Variants in DYNLL1 observed in about 807,000 individuals in gnomAD.
DYNLL1 encodes dynein light chain LC8-type 1.
In DYNLL1, 3 loss-of-function variants were observed where a neutral mutation model predicts 10.1. The observed-to-expected ratio is 0.30, with a 90% CI of 0.14 to 0.77. DYNLL1 has a LOEUF of 0.77. Among genes scored for constraint, DYNLL1 ranks in the 30% least tolerant of loss-of-function variants. The pLI is 0.66. For missense variants in DYNLL1, 47 were observed against 111.7 expected (o/e 0.42, Z 2.61); for synonymous variants, 46 against 41.2 (o/e 1.12, Z -0.45).
chr12:120,490,806 C>CT (rs1412812335), intron 1 of DYNLL1: 2 of 152,180 alleles, frequency 1.3e-5, no homozygotes, highest in African/African-American at 4.8e-5. Context: ...ACAAAAAAAA[C>CT]TTTCTGGCCC....
At chr12:120,478,096 G>GTT (rs112506685) in intron 1 of DYNLL1, among the ~76,000 whole-genome samples, 4 of 133,938 alleles carry the variant, frequency 3.0e-5, no homozygotes, top group African/African-American at 8.1e-5. Context: ...CCGGCCAAAA[G>GTT]TTTTTTTTTT....
chr12:120,485,813 C>G (rs1448256011), intron 1 of DYNLL1, among the ~76,000 whole-genome samples: 1 of 139,488 alleles, frequency 7.2e-6, no homozygotes, highest in Non-Finnish European at 1.5e-5. Context: ...TACACCCTAG[C>G]CTATTTGACA....
At chr12:120,497,592 GT>G (rs1868493688) in intron 2 of DYNLL1, 1 of 153,106 alleles carries the variant, frequency 6.5e-6, no homozygotes, top group Non-Finnish European at 1.5e-5. Flanking sequence ...GCTGTTTGAA[GT>G]TTTGTCCTAT....
intron 1 of DYNLL1, among the ~76,000 whole-genome samples, chr12:120,489,187 T>C (rs73225205): frequency 0.032 from 4,810 of 152,328 alleles, 118 homozygotes; most frequent in Non-Finnish European, 0.048. Flanking sequence ...TCCAGTCCCA[T>C]TGCTTTAAAT....
At chr12:120,483,049 A>G (rs1878916558) in intron 1 of DYNLL1, among the ~76,000 whole-genome samples, 1 of 151,200 alleles carries the variant, frequency 6.6e-6, no homozygotes, top group Admixed American at 6.6e-5. Flanking sequence ...TCTCTTAAAG[A>G]AAAAAAAAGG....
intron 1 of DYNLL1, among the ~76,000 whole-genome samples, chr12:120,470,816 G>C (rs575997667): frequency 6.6e-6 from 1 of 152,216 alleles, no homozygotes; most frequent in African/African-American, 2.4e-5. Flanking sequence ...AGGCCAAGGC[G>C]GGAGGATCAC....
intron 1 of DYNLL1, among the ~76,000 whole-genome samples, chr12:120,475,766 C>G (rs922425255): frequency 1.6e-4 from 24 of 152,142 alleles, no homozygotes; most frequent in African/African-American, 4.3e-4. Context: ...GGTCTATAAG[C>G]TGTACTCCCC....
intron 1 of DYNLL1, chr12:120,488,483 A>G (rs539029468): frequency 6.6e-6 from 1 of 152,346 alleles, no homozygotes; most frequent in African/African-American, 2.4e-5. Flanking sequence ...TCCTGTGTGC[A>G]TCCTGTTCAA....
chr12:120,482,595 T>TA (rs773264662), intron 1 of DYNLL1, among the ~76,000 whole-genome samples: 9 of 152,004 alleles, frequency 5.9e-5, no homozygotes, highest in Non-Finnish European at 5.9e-5. Context: ...GTGCTGGGAT[T>TA]ACAGGCGTGA....
At chr12:120,482,775 CA>C (rs1221376163) in intron 1 of DYNLL1, among the ~76,000 whole-genome samples, 4 of 151,980 alleles carry the variant, frequency 2.6e-5, no homozygotes, top group African/African-American at 4.8e-5. Context: ...GTGGTATCAG[CA>C]AAAAGATAAA....
intron 1 of DYNLL1, among the ~76,000 whole-genome samples, chr12:120,480,947 C>G (rs640350): frequency 0.21 from 31,493 of 151,736 alleles, 3,638 homozygotes; most frequent in African/African-American, 0.3. Context: ...TTTTAGTAGA[C>G]ATGGGGTTTC....
intron 1 of DYNLL1, among the ~76,000 whole-genome samples, chr12:120,472,599 A>G (rs891315497): frequency 1.4e-4 from 22 of 152,220 alleles, no homozygotes; most frequent in African/African-American, 5.3e-4. Context: ...AAGGAAAAAA[A>G]AGTGCTGTTG....
chr12:120,471,700 TC>T (rs1878655219), intron 1 of DYNLL1, among the ~76,000 whole-genome samples: 1 of 151,992 alleles, frequency 6.6e-6, no homozygotes, highest in African/African-American at 2.4e-5. Context: ...AAGCTCCGCC[TC>T]CCAGGTTCAT....
intron 1 of DYNLL1, among the ~76,000 whole-genome samples, chr12:120,479,461 A>AT (rs1565920896): frequency 0.014 from 1,802 of 130,000 alleles, 28 homozygotes; most frequent in African/African-American, 0.052. Context: ...AAAAAAAAAA[A>AT]AAAAAAAAAT....
chr12:120,481,112 A>T (rs1878871666), intron 1 of DYNLL1, among the ~76,000 whole-genome samples: 1 of 152,074 alleles, frequency 6.6e-6, no homozygotes, highest in South Asian at 2.1e-4. Flanking sequence ...TCTTATATTT[A>T]TTGAAGTCTG....
rs558888361 is a variant in DYNLL1 at position 120,473,706 on chromosome 12, A to T, written c.-7+3602A>T. Reference sequence around the variant, plus strand: ...AGACTCTGTCTCAAAAAAAAAAAAAAAAAAAAATTAAAAAATTATCTAGGC... The same window carrying T: ...AGACTCTGTCTCAAAAAAAAAAAAATAAAAAAATTAAAAAATTATCTAGGC... On this transcript the variant is annotated intron_variant, in intron 1 of 2. Transcript: ENST00000392509. 2.4e-4 allele frequency among the ~76,000 whole-genome samples: 36 copies of T among 151,458 alleles called. 1 individual carries two copies. The East Asian group carries it at 7.0e-3, about 29-fold the overall frequency.
chr12:120,488,049 C>T (rs1593003026), intron 1 of DYNLL1: 1 of 152,174 alleles, frequency 6.6e-6, no homozygotes, highest in Non-Finnish European at 1.5e-5. Context: ...GACAAGTCAC[C>T]CTCATACAGA....
At chr12:120,478,145 G>A (rs1021444213) in intron 1 of DYNLL1, among the ~76,000 whole-genome samples, 3 of 146,458 alleles carry the variant, frequency 2.0e-5, no homozygotes, top group Non-Finnish European at 3.0e-5. Context: ...TTTCACTCTT[G>A]TTGCCCAGGC....
At chr12:120,482,062 G>A (rs1018309332) in intron 1 of DYNLL1, among the ~76,000 whole-genome samples, 1 of 152,084 alleles carries the variant, frequency 6.6e-6, no homozygotes, top group African/African-American at 2.4e-5. Flanking sequence ...GGTCCCCAAA[G>A]ACTAAACCTG....
Sources: gnomAD v4.1 joint callset for allele counts (sites outside exome capture counted in the v4.1 genomes callset) on GRCh38, gnomAD v4.1.1 for gene constraint, MANE v1.5 for transcripts, NCBI Gene and HGNC (gene_info 2026-07-23, HGNC 2026-07-21) for gene names.